The following KCNB2 variants were observed in gnomAD, a reference collection of about 807,000 sequenced individuals.
The protein encoded by KCNB2 is delayed rectifier potassium channel protein.
Under a neutral mutation model 61.5 loss-of-function variants are expected in KCNB2, and 15 were observed. That is an observed-to-expected ratio of 0.24 (90% confidence interval 0.16 to 0.38). The LOEUF (loss-of-function observed/expected upper bound fraction) is 0.38, where lower values mean the gene tolerates loss of function less well. KCNB2 is among the 10% of genes least tolerant of loss of function. The pLI is 1.00. For missense variants in KCNB2, 828 were observed against 1,125.2 expected, an observed-to-expected ratio of 0.74 and a Z score of 3.78; for synonymous variants, 457 against 446.0, an observed-to-expected ratio of 1.02 and a Z score of -0.31.
intron 2 of KCNB2, among the ~76,000 whole-genome samples, chr8:72,758,598 A>G (rs867675197): frequency 4.6e-5 from 7 of 152,326 alleles, no homozygotes; most frequent in South Asian, 2.1e-4. Flanking sequence ...CAAGATGCTC[A>G]TCTGCTCCAT....
chr8:72,565,141 G>GTGTA (rs1554576352), intron 1 of KCNB2, among the ~76,000 whole-genome samples: 4 of 149,430 alleles, frequency 2.7e-5, no homozygotes, highest in Admixed American at 1.3e-4. Context: ...AAATGTGTGT[G>GTGTA]TATATATATA....
At position 72,785,347 on chromosome 8, in the gene KCNB2, A is replaced by G. The variant is rs763444320; in HGVS notation, c.580-150588A>G. On this transcript the variant is annotated intron_variant, in intron 2 of 2. Coordinates refer to ENST00000523207, the MANE Select transcript of KCNB2 (RefSeq NM_004770.3). ...AAACAACCCAAATAAGCTCCTGAAT[A>G]ATTGGGAATTGCCTACGTTTGTGTT... Among the ~76,000 whole-genome samples, 3 of 152,202 alleles carry G rather than the reference A, an allele frequency of 2.0e-5. No individual in the cohort carries two copies. The South Asian group carries it at 6.2e-4, about 31-fold the overall frequency.
chr8:72,721,946 G>T (rs1807556226), intron 2 of KCNB2, among the ~76,000 whole-genome samples: 1 of 152,130 alleles, frequency 6.6e-6, no homozygotes, highest in Non-Finnish European at 1.5e-5. Flanking sequence ...GAGACTAAAT[G>T]CACTCTTTTC....
intron 2 of KCNB2, among the ~76,000 whole-genome samples, chr8:72,822,534 C>T (rs964141737): frequency 6.6e-6 from 1 of 152,184 alleles, no homozygotes; most frequent in Non-Finnish European, 1.5e-5. Flanking sequence ...GTCTCTCCAC[C>T]TCCACCACCC....
At chr8:72,857,594 C>T (rs1810226374) in intron 2 of KCNB2, among the ~76,000 whole-genome samples, 1 of 151,370 alleles carries the variant, frequency 6.6e-6, no homozygotes, top group South Asian at 2.1e-4. Flanking sequence ...TGGCAGAGTG[C>T]CTGCCTGGAG....
chr8:72,900,009 A>G (rs1806061296), intron 2 of KCNB2, among the ~76,000 whole-genome samples: 1 of 152,128 alleles, frequency 6.6e-6, no homozygotes, highest in South Asian at 2.1e-4. Context: ...ATCTCAAAAC[A>G]AAACAAAACA....
chr8:72,641,396 A>C (rs7827886), intron 2 of KCNB2, among the ~76,000 whole-genome samples: 4,234 of 152,110 alleles, frequency 0.028, 212 homozygotes, highest in African/African-American at 0.097. Context: ...CAAGGGAGAG[A>C]TATGTACTGT....
intron 2 of KCNB2, among the ~76,000 whole-genome samples, chr8:72,797,055 C>A (rs1809042617): frequency 1.3e-5 from 2 of 152,242 alleles, no homozygotes; most frequent in South Asian, 4.1e-4. Context: ...CATGACCTCT[C>A]CAGGTCAATA....
At chr8:72,696,846 A>G (rs1373112024) in intron 2 of KCNB2, among the ~76,000 whole-genome samples, 3 of 152,270 alleles carry the variant, frequency 2.0e-5, no homozygotes, top group Admixed American at 6.5e-5. Flanking sequence ...TATTTTTTCT[A>G]TATGCTAGTC....
Position 72,748,612 on chromosome 8 carries a change from G to GT in KCNB2, c.579+180312dup, listed in dbSNP as rs767782479. Among the ~76,000 whole-genome samples the GT allele has an allele frequency of 3.7e-3, 231 of 62,788 alleles. 3 individuals are homozygous for GT. Among genetic ancestry groups the GT allele is most frequent in the South Asian group, 0.019 (41 of 2,154 alleles). 41.2% of individuals were successfully genotyped at this position (62,788 alleles called of 152,430 possible). ...AACTCACTTTGGTTTTTTTTTTGTT[G>GT]TTTTTTTTTTTTTGAAATTAAAAGC... On this transcript the variant is annotated intron_variant, in intron 2 of 2. Coordinates refer to ENST00000523207, the MANE Select transcript of KCNB2 (RefSeq NM_004770.3).
chr8:72,903,006 C>T (rs1038336778), intron 2 of KCNB2, among the ~76,000 whole-genome samples: 2 of 152,152 alleles, frequency 1.3e-5, no homozygotes, highest in African/African-American at 4.8e-5. Context: ...TCTGGATAAC[C>T]TCTATTTTAT....
intron 1 of KCNB2, among the ~76,000 whole-genome samples, chr8:72,564,294 A>G (rs1806588792): frequency 6.6e-6 from 1 of 152,192 alleles, no homozygotes. Context: ...GCCACAAACA[A>G]ATGAGATATT....
chr8:72,905,902 GC>G (rs1182987484), intron 2 of KCNB2, among the ~76,000 whole-genome samples: 2 of 152,118 alleles, frequency 1.3e-5, no homozygotes, highest in African/African-American at 4.8e-5. Flanking sequence ...GATCAAGGGT[GC>G]CCATGAAGGA....
chr8:72,665,664 G>A (rs188089386), intron 2 of KCNB2, among the ~76,000 whole-genome samples: 10 of 152,282 alleles, frequency 6.6e-5, no homozygotes, highest in East Asian at 3.9e-4. Flanking sequence ...GAGTTCAATC[G>A]GATTTCCCAG....
chr8:72,785,909 A>G (rs1413640878), intron 2 of KCNB2, among the ~76,000 whole-genome samples: 5 of 152,118 alleles, frequency 3.3e-5, no homozygotes, highest in African/African-American at 1.2e-4. Context: ...CCCCATAACC[A>G]GCATACTGAA....
intron 2 of KCNB2, among the ~76,000 whole-genome samples, chr8:72,607,183 A>G (rs1805463655): frequency 6.6e-6 from 1 of 152,140 alleles, no homozygotes; most frequent in African/African-American, 2.4e-5. Flanking sequence ...TGGTAATGCT[A>G]AAGAGAGTGA....
intron 2 of KCNB2, among the ~76,000 whole-genome samples, chr8:72,753,491 G>T (rs964489018): frequency 6.6e-6 from 1 of 152,178 alleles, no homozygotes; most frequent in Non-Finnish European, 1.5e-5. Flanking sequence ...GTTGCAGTTG[G>T]GTTGAGAGTT....
intron 2 of KCNB2, 123 bp downstream of exon 2, chr8:72,568,436 G>GA (rs1806661365): frequency 2.5e-6 from 2 of 787,352 alleles, no homozygotes; most frequent in Non-Finnish European, 4.0e-6. Context: ...CACAGACAGT[G>GA]AAAAAATCCT....
chr8:72,792,387 T>A (rs1450578036), intron 2 of KCNB2, among the ~76,000 whole-genome samples: 4 of 152,212 alleles, frequency 2.6e-5, no homozygotes. Context: ...GATGATGAAG[T>A]AAAAATCAAT....
Sources: allele counts gnomAD v4.1 joint callset (sites outside exome capture counted in the v4.1 genomes callset), GRCh38; gene constraint gnomAD v4.1.1; transcripts MANE v1.5; gene names NCBI Gene and HGNC (gene_info 2026-07-23, HGNC 2026-07-21).